SPTBN1: variants seen among roughly 807,000 people sequenced by gnomAD.
SPTBN1 encodes spectrin beta chain, non-erythrocytic 1.
In SPTBN1, 32 loss-of-function variants were observed where a neutral mutation model predicts 266.4. The observed-to-expected ratio is 0.12, with a 90% CI of 0.09 to 0.16. SPTBN1 has a LOEUF of 0.16. Among genes scored for constraint, SPTBN1 ranks in the 10% least tolerant of loss-of-function variants. The pLI, the probability that SPTBN1 is intolerant of heterozygous loss-of-function variation, is 1.00. For missense variants in SPTBN1, 2,296 were observed against 3,067.1 expected (o/e 0.75, Z 5.94); for synonymous variants, 1,336 against 1,162.2 (o/e 1.15, Z -3.04).
At chr2:54,531,333 G>A (rs1573353254) in intron 2 of SPTBN1, among the ~76,000 whole-genome samples, 1 of 152,166 alleles carries the variant, frequency 6.6e-6, no homozygotes, top group East Asian at 1.9e-4. Context: ...GAATTGAATT[G>A]TAGCATACCC....
intron 1 of SPTBN1, among the ~76,000 whole-genome samples, chr2:54,503,780 G>A (rs181063207): frequency 1.3e-5 from 2 of 152,324 alleles, no homozygotes; most frequent in East Asian, 1.9e-4. Context: ...GTAGCTGAGT[G>A]TGGTTACAAT....
chr2:54,641,866 T>G (rs17046068), intron 18 of SPTBN1, among the ~76,000 whole-genome samples: 12,478 of 152,156 alleles, frequency 0.082, 639 homozygotes, highest in South Asian at 0.13. Context: ...CTTGGAAGTG[T>G]TAATTCTGTA....
chr2:54,578,108 G>A (rs113045251), intron 2 of SPTBN1, among the ~76,000 whole-genome samples: 1 of 152,144 alleles, frequency 6.6e-6, no homozygotes, highest in African/African-American at 2.4e-5. Flanking sequence ...TATTTTCCCA[G>A]TATATGAAAT....
At chr2:54,485,524 G>A (rs1247704522) in intron 1 of SPTBN1, among the ~76,000 whole-genome samples, 1 of 152,166 alleles carries the variant, frequency 6.6e-6, no homozygotes, top group Non-Finnish European at 1.5e-5. Flanking sequence ...GTGCAGTGGC[G>A]TGATCTCGGC....
At chr2:54,577,982 A>T (rs1203054275) in intron 2 of SPTBN1, among the ~76,000 whole-genome samples, 1 of 152,210 alleles carries the variant, frequency 6.6e-6, no homozygotes, top group Non-Finnish European at 1.5e-5. Context: ...GGTGAATGCC[A>T]TGTAAAATTC....
chr2:54,642,208 G>T (rs1346578852), intron 18 of SPTBN1, among the ~76,000 whole-genome samples: 1 of 152,214 alleles, frequency 6.6e-6, no homozygotes, highest in Non-Finnish European at 1.5e-5. Context: ...GTGGGTCTGG[G>T]CCTGGCGTTT....
intron 2 of SPTBN1, among the ~76,000 whole-genome samples, chr2:54,536,029 ATAGAG>A (rs1671579054): frequency 1.3e-5 from 2 of 152,224 alleles, no homozygotes; most frequent in Non-Finnish European, 1.5e-5. Flanking sequence ...TGTCTCAAAA[ATAGAG>A]TAAGTACTGT....
chr2:54,658,057 G>A lies in SPTBN1; in HGVS notation c.6243+11G>A, dbSNP rs62134711. On this transcript the variant is annotated intron_variant, in intron 30 of 35. Transcript: ENST00000356805. ...GAAAGGCTGACTACAGTAAGTGGCC[G>A]CTGGGCCCTTTGTCTGTTGGTGCCC... is the stretch of plus-strand genomic sequence containing the variant. 6,796 of 1,614,080 alleles carry A rather than the reference G, an allele frequency of 4.2e-3. 22 individuals carry two copies. The highest frequency in any genetic ancestry group is 5.3e-3 in the Non-Finnish European group (6,230 of 1,179,962).
rs1671402397 is a variant in SPTBN1, at chr2:54,533,629, C to A, written c.148+7063C>A. On this transcript the variant is annotated intron_variant, in intron 2 of 35. Transcript: ENST00000356805. This position sits in a 1 kb window ranked among gnomAD's most constrained non-coding sequence, Gnocchi z 4.2. ...ACGATGGCGCGATCTTGGCTCACTGCAACCTCCGCCTCCTGGGTCCAAGTG... is the reference window on the plus strand; with the variant it reads ...ACGATGGCGCGATCTTGGCTCACTGAAACCTCCGCCTCCTGGGTCCAAGTG... Among the ~76,000 whole-genome samples, 1 of 152,180 alleles carries A rather than the reference C, an allele frequency of 6.6e-6. No homozygotes were observed. The highest frequency in any genetic ancestry group is 1.5e-5 in the Non-Finnish European group (1 of 68,032).
At chr2:54,536,355 C>G (rs1415606147) in intron 2 of SPTBN1, among the ~76,000 whole-genome samples, 1 of 152,190 alleles carries the variant, frequency 6.6e-6, no homozygotes, top group Non-Finnish European at 1.5e-5. Flanking sequence ...CAACGCAGCT[C>G]TCTAGAATTT....
Position 54,645,288 on chromosome 2 carries a change from C to T in SPTBN1, c.4329C>T (p.Ala1443=). 6.2e-7 allele frequency: 1 copy of T among 1,614,154 alleles called. No individual in the cohort carries two copies. The highest frequency in any genetic ancestry group is 8.5e-7 in the Non-Finnish European group (1 of 1,180,028). The part of the protein sequence containing the change: ...KKEIEELQSQ[A]QALSQEGKST... ...AGATCGAAGAGCTCCAAAGCCAAGC[C>T]CAGGCCCTGAGTCAGGAAGGGAAGA... Residue 1443 remains alanine (A), a synonymous_variant, in exon 21 of 36, where the codon GCC becomes GCT. Coordinates refer to ENST00000356805, the MANE Select transcript of SPTBN1 (RefSeq NM_003128.3). This position sits in a 1 kb window ranked among gnomAD's most constrained non-coding sequence, Gnocchi z 4.3.
At position 54,653,241 on chromosome 2, in the gene SPTBN1, T is replaced by G; in HGVS notation, c.5578-368T>G. On this transcript the variant is annotated intron_variant, in intron 26 of 35. Transcript: ENST00000356805. This position sits in a 1 kb window ranked among gnomAD's most constrained non-coding sequence, Gnocchi z 5.1. ...CAGTTTCCCATTCATCATAAAAACA[T>G]TTATCTTTACCCCGAGATAGCAGAT... 5.6e-6 allele frequency: 1 copy of G among 177,276 alleles called. No homozygotes were observed. 11.0% of individuals were successfully genotyped at this position (177,276 alleles called of 1,614,324 possible).
rs548008833 is a variant in SPTBN1 at position 54,626,399 on chromosome 2, G to T, written c.1644+165G>T. Among the ~76,000 whole-genome samples the T allele has an allele frequency of 6.6e-6, 1 of 152,244 alleles. No individual in the cohort carries two copies. Among genetic ancestry groups the T allele is most frequent in the Non-Finnish European group, 1.5e-5 (1 of 68,038 alleles). On this transcript the variant is annotated intron_variant, in intron 12 of 35. Coordinates refer to ENST00000356805, the MANE Select transcript of SPTBN1 (RefSeq NM_003128.3). The surrounding 1 kb of genome is among the most constrained non-coding windows in gnomAD (Gnocchi z 4.7). ...ACCCATGGGAAGATTGCTAGCTCAG[G>T]AATTAAATGAGACGTGAAGTGTGAA...
At chr2:54,667,408 A>C (rs1402725169) in intron 34 of SPTBN1, among the ~76,000 whole-genome samples, 196 bp from the exon 35 acceptor site, 1 of 152,070 alleles carries the variant, frequency 6.6e-6, no homozygotes, top group African/African-American at 2.4e-5. Context: ...CATTGGCGCG[A>C]TTATATGGCT....
At chr2:54,487,434 A>T (rs560189569) in intron 1 of SPTBN1, among the ~76,000 whole-genome samples, 42 of 152,330 alleles carry the variant, frequency 2.8e-4, no homozygotes, top group South Asian at 8.3e-4. Flanking sequence ...CGCAGTGCAG[A>T]GTAATGATGA....
At chr2:54,662,123 C>G (rs1408321952) in intron 32 of SPTBN1, 2 of 985,344 alleles carry the variant, frequency 2.0e-6, no homozygotes, top group Non-Finnish European at 1.2e-6. Flanking sequence ...TGCCCAGCCA[C>G]TAAAGCACTC....
chr2:54,630,811 A>T (rs538645090), intron 15 of SPTBN1, 44 bp from the exon 16 acceptor site: 39 of 1,521,518 alleles, frequency 2.6e-5, no homozygotes, highest in African/African-American at 9.7e-5. Context: ...AGCCATGGTC[A>T]GTCTTCCCTT....
At chr2:54,539,007 A>G (rs1671780113) in intron 2 of SPTBN1, among the ~76,000 whole-genome samples, 1 of 152,118 alleles carries the variant, frequency 6.6e-6, no homozygotes. Flanking sequence ...TCTTGCCTGT[A>G]TGGTTCACAG....
chr2:54,562,749 G>A (rs1346686590), intron 2 of SPTBN1, among the ~76,000 whole-genome samples: 3 of 126,066 alleles, frequency 2.4e-5, no homozygotes, highest in African/African-American at 1.1e-4. Flanking sequence ...GTAGAGACAG[G>A]GTTTCACCAT....
Sources: allele counts gnomAD v4.1 joint callset (sites outside exome capture counted in the v4.1 genomes callset), GRCh38; gene constraint gnomAD v4.1.1; non-coding constraint Gnocchi (gnomAD v3.1); transcripts MANE v1.5; gene names NCBI Gene and HGNC (gene_info 2026-07-23, HGNC 2026-07-21).